NMBR: variants seen among roughly 807,000 people sequenced by gnomAD.
The protein encoded by NMBR is neuromedin-B receptor.
NMBR carries 16 observed loss-of-function variants against 20.5 expected under a neutral mutation model. The observed-to-expected ratio is 0.78, with a 90% CI of 0.53 to 1.19. The LOEUF (loss-of-function observed/expected upper bound fraction) is 1.19, where lower values mean the gene tolerates loss of function less well. NMBR is among the 50% of genes most tolerant of loss of function. The probability of loss-of-function intolerance (pLI) is 0.00; values close to 1 mark genes in which losing one functional copy is unlikely to be tolerated. For synonymous variants in NMBR, 212 were observed against 196.6 expected, an observed-to-expected ratio of 1.08 and a Z score of -0.65; for missense variants, 582 against 499.1, an observed-to-expected ratio of 1.17 and a Z score of -1.58.
chr6:142,116,044 T>C (rs891041569), intron 1 of NMBR, among the ~76,000 whole-genome samples: 6 of 151,854 alleles, frequency 4.0e-5, no homozygotes, highest in African/African-American at 1.2e-4. Flanking sequence ...AAATGGGAGT[T>C]TCCCTGCACA....
intron 1 of NMBR, among the ~76,000 whole-genome samples, chr6:142,101,729 T>A (rs1409563145): frequency 6.6e-6 from 1 of 152,130 alleles, no homozygotes; most frequent in Admixed American, 6.5e-5. Flanking sequence ...TAATTTTGCT[T>A]AAAAATAACC....
chr6:142,109,248 C>A (rs2114587964), intron 1 of NMBR, among the ~76,000 whole-genome samples: 1 of 152,256 alleles, frequency 6.6e-6, no homozygotes, highest in East Asian at 1.9e-4. Context: ...TTAAGCAATA[C>A]CCCACCGGGG....
At chr6:142,118,380 G>A (rs1777887517) in intron 1 of NMBR, among the ~76,000 whole-genome samples, 1 of 151,920 alleles carries the variant, frequency 6.6e-6, no homozygotes, top group Admixed American at 6.6e-5. Flanking sequence ...CAGAAGAGAG[G>A]TCCCCAAGTT....
chr6:142,109,403 ATT>A (rs1292372949), intron 1 of NMBR, among the ~76,000 whole-genome samples: 2 of 151,438 alleles, frequency 1.3e-5, no homozygotes, highest in African/African-American at 4.8e-5. Flanking sequence ...TACCCCAGGT[ATT>A]CATTGGAAAG....
At chr6:142,146,202 G>A (rs944602245) in intron 1 of NMBR, among the ~76,000 whole-genome samples, 2 of 152,216 alleles carry the variant, frequency 1.3e-5, no homozygotes, top group African/African-American at 2.4e-5. Flanking sequence ...TCTAGGCAAC[G>A]TATGTGGAGT....
chr6:142,144,505 TC>T, intron 1 of NMBR, among the ~76,000 whole-genome samples: 1 of 152,286 alleles, frequency 6.6e-6, no homozygotes, highest in East Asian at 1.9e-4. Context: ...GTTCTACAGC[TC>T]TGCCCTCCCC....
chr6:142,108,302 G>A (rs549874937), intron 1 of NMBR, among the ~76,000 whole-genome samples: 1 of 152,050 alleles, frequency 6.6e-6, no homozygotes, highest in South Asian at 2.1e-4. Flanking sequence ...ATATTCACAG[G>A]CAATGATAAA....
Position 142,088,560 on chromosome 6 carries a change from C to A in NMBR, c.99G>T (p.Ser33=), listed in dbSNP as rs1373087397. Residue 33 remains serine, a synonymous_variant, in exon 2 of 4, where the codon TCG becomes TCT. Transcript: ENST00000258042. ...TCACCAACTCCGTGGTGGTCCCGTC[C>A]GAGGCCGGCAGGAAATCCCTTTCCC... ...EGWERDFLPA[S]DGTTTELVIR... The A allele has an allele frequency of 5.6e-6, 9 of 1,613,786 alleles. No homozygotes were observed. Among genetic ancestry groups the A allele is most frequent in the Non-Finnish European group, 7.6e-6 (9 of 1,179,996 alleles).
At chr6:142,132,571 T>A (rs1045184293) in intron 1 of NMBR, among the ~76,000 whole-genome samples, 1 of 152,188 alleles carries the variant, frequency 6.6e-6, no homozygotes, top group African/African-American at 2.4e-5. Context: ...TAATATTCAA[T>A]AATGCAATAA....
chr6:142,144,583 T>C (rs1778401173), intron 1 of NMBR, among the ~76,000 whole-genome samples: 2 of 152,160 alleles, frequency 1.3e-5, no homozygotes, highest in African/African-American at 4.8e-5. Flanking sequence ...TGGTCTGAGA[T>C]GAATGGAGAA....
rs1582840710 is a variant in NMBR, at chr6:142,088,758, G to A, written c.-100C>T. ...GGTTTAATCGATGTCCCTCCCTCTC[G>A]CCCCTGCAAGTTTACTGTCCGCGGG... On this transcript the variant is annotated 5_prime_UTR_variant, in exon 2 of 4. Coordinates refer to ENST00000258042, the MANE Select transcript of NMBR (RefSeq NM_002511.4). The A allele has an allele frequency of 2.8e-6, 3 of 1,081,300 alleles. No individual in the cohort carries two copies. In the East Asian group the frequency reaches 7.7e-5, roughly 28 times the overall value. 67.0% of individuals were successfully genotyped at this position (1,081,300 alleles called of 1,614,324 possible). A position where few individuals can be genotyped will look rare whatever the true frequency, so the allele number is the denominator to read the frequency against.
intron 1 of NMBR, among the ~76,000 whole-genome samples, chr6:142,107,504 C>A (rs998210058): frequency 1.3e-5 from 2 of 152,172 alleles, no homozygotes; most frequent in Non-Finnish European, 1.5e-5. Context: ...GATGCACATA[C>A]TCAAGGCTTC....
At chr6:142,092,904 T>C (rs1777357513) in intron 1 of NMBR, among the ~76,000 whole-genome samples, 1 of 152,066 alleles carries the variant, frequency 6.6e-6, no homozygotes, top group Non-Finnish European at 1.5e-5. Context: ...AGGAAAACAC[T>C]TACCCAAAAA....
chr6:142,130,277 T>C (rs955843079), intron 1 of NMBR, among the ~76,000 whole-genome samples: 2 of 151,918 alleles, frequency 1.3e-5, no homozygotes, highest in Non-Finnish European at 2.9e-5. Context: ...TTGGAGAAAA[T>C]ATAGAGAGGT....
intron 1 of NMBR, among the ~76,000 whole-genome samples, chr6:142,128,215 G>A (rs1031387583): frequency 2.6e-5 from 4 of 151,848 alleles, no homozygotes; most frequent in Non-Finnish European, 2.9e-5. Context: ...CATCCCCTTC[G>A]CCTTCTGCCA....
At chr6:142,117,399 A>G (rs1345999934) in intron 1 of NMBR, among the ~76,000 whole-genome samples, 1 of 151,944 alleles carries the variant, frequency 6.6e-6, no homozygotes. Flanking sequence ...TCAATACTTA[A>G]TAAGTAGAAA....
intron 2 of NMBR, among the ~76,000 whole-genome samples, chr6:142,080,695 C>G (rs1415844443): frequency 6.6e-6 from 1 of 152,112 alleles, no homozygotes; most frequent in Non-Finnish European, 1.5e-5. Context: ...GCTGTAATCT[C>G]TCCCAATAAA....
At chr6:142,097,151 T>C (rs1413610471) in intron 1 of NMBR, among the ~76,000 whole-genome samples, 1 of 152,172 alleles carries the variant, frequency 6.6e-6, no homozygotes, top group East Asian at 1.9e-4. Context: ...GTCTTTTAAT[T>C]GGAGCATTTA....
intron 1 of NMBR, chr6:142,134,441 ACT>A (rs1201661452): frequency 4.5e-5 from 20 of 445,554 alleles, no homozygotes; most frequent in Non-Finnish European, 7.9e-5. Flanking sequence ...TTTAAATTAG[ACT>A]CTGTTGAGAG....
Sources: allele counts gnomAD v4.1 joint callset (sites outside exome capture counted in the v4.1 genomes callset), GRCh38; gene constraint gnomAD v4.1.1; transcripts MANE v1.5; gene names NCBI Gene and HGNC (gene_info 2026-07-23, HGNC 2026-07-21).